SLC7A9: variants seen among roughly 807,000 people sequenced by gnomAD.
The protein encoded by SLC7A9 is B(0,+)-type amino acid transporter 1.
In SLC7A9, 38 loss-of-function variants were observed where a neutral mutation model predicts 54.1. That is an observed-to-expected ratio of 0.70 (90% CI 0.54 to 0.92). The LOEUF is 0.92. Among genes scored for constraint, SLC7A9 ranks in the 40% least tolerant of loss-of-function variants. The pLI is 0.00. For missense variants in SLC7A9, 537 were observed against 636.1 expected, an observed-to-expected ratio of 0.84 and a Z score of 1.68; for synonymous variants, 264 against 258.9, an observed-to-expected ratio of 1.02 and a Z score of -0.19.
rs1967865764 is a variant in SLC7A9, at chr19:32,833,416, T to C, written c.1225-93A>G. On this transcript the variant is annotated intron_variant, in intron 11 of 12. Coordinates refer to ENST00000023064, the MANE Select transcript of SLC7A9 (RefSeq NM_014270.5). Reference sequence around the variant, plus strand: ...TTTTATAAAAAGAGTATGAACTCCATGTACCCCCTCCTCCAATTTCAATCA... The same window carrying C: ...TTTTATAAAAAGAGTATGAACTCCACGTACCCCCTCCTCCAATTTCAATCA... The C allele has an allele frequency of 1.3e-5, 13 of 1,032,924 alleles. No individual in the cohort carries two copies. In the South Asian group the frequency reaches 1.6e-4, roughly 13 times the overall value. The allele number at this position is 1,032,924 out of a possible 1,614,324, so 64.0% of individuals were successfully genotyped here.
intron 9 of SLC7A9, among the ~76,000 whole-genome samples, chr19:32,847,484 G>GA (rs1175095675): frequency 6.6e-6 from 1 of 152,040 alleles, no homozygotes; most frequent in Non-Finnish European, 1.5e-5. Context: ...GAAGTTTAGA[G>GA]AAAAAAGAAT....
At chr19:32,859,107 G>GA (rs1968717017) in intron 8 of SLC7A9, among the ~76,000 whole-genome samples, 1 of 149,864 alleles carries the variant, frequency 6.7e-6, no homozygotes, top group Non-Finnish European at 1.5e-5. Context: ...TTTTTAATTT[G>GA]ATTTTTTTTG....
intron 9 of SLC7A9, among the ~76,000 whole-genome samples, chr19:32,851,570 G>T (rs1015397615): frequency 1.3e-4 from 20 of 151,692 alleles, no homozygotes; most frequent in African/African-American, 4.8e-4. Flanking sequence ...TACACTGTTG[G>T]TGGGACTGTA....
chr19:32,841,011 A>T (rs998875886), intron 11 of SLC7A9, among the ~76,000 whole-genome samples: 3 of 152,122 alleles, frequency 2.0e-5, no homozygotes, highest in Non-Finnish European at 2.9e-5. Flanking sequence ...TGCTACCGTC[A>T]TAATTTTGCC....
Position 32,864,240 on chromosome 19 carries a change from A to G in SLC7A9, c.334T>C (p.Phe112Leu). ...EAYGPIPAYL[F>L]SWASLIVIKP... is the part of the protein sequence containing the mutation. ...ATGACGATCAGGCTGGCCCAGGAGA[A>G]GAGGTAGGCGGGGATGGGCCCGTAG... The change falls in exon 4 of 13, where the codon TTC (phenylalanine) becomes CTC (leucine). Residue 112 changes from phenylalanine to leucine, a missense_variant. By Grantham distance (22) the Phe-to-Leu change is conservative (BLOSUM62 0). Transcript: ENST00000023064. The G allele has an allele frequency of 1.2e-6, 2 of 1,614,204 alleles. No homozygotes were observed. The highest frequency in any genetic ancestry group is 1.7e-6 in the Non-Finnish European group (2 of 1,180,028).
intron 3 of SLC7A9, 120 bp downstream of exon 3, chr19:32,864,509 C>G: frequency 6.5e-7 from 1 of 1,528,214 alleles, no homozygotes; most frequent in Non-Finnish European, 9.0e-7. Context: ...CTGATTTACA[C>G]CTGTTTGCCA....
intron 11 of SLC7A9, among the ~76,000 whole-genome samples, chr19:32,833,997 T>C (rs1285692453): frequency 1.3e-5 from 2 of 152,130 alleles, no homozygotes; most frequent in Non-Finnish European, 2.9e-5. Flanking sequence ...AAGGCAGGAT[T>C]AGTGCTGTAT....
At position 32,862,233 on chromosome 19, in the gene SLC7A9, A is replaced by AC. The variant is rs747219370; in HGVS notation, c.605-17dup. On this transcript the variant is annotated splice_polypyrimidine_tract_variant and intron_variant, in intron 5 of 12. Transcript: ENST00000023064. ...TTTGTGTTTCCTGTAATGAAGCCAG[A>AC]CAGTGAACGGCGGGTGTCAACCGGG... 1.3e-5 allele frequency: 21 copies of AC among 1,599,010 alleles called. No homozygotes were observed. The highest frequency in any genetic ancestry group is 1.5e-5 in the Non-Finnish European group (18 of 1,166,182).
intron 9 of SLC7A9, among the ~76,000 whole-genome samples, chr19:32,851,932 A>G (rs1968479745): frequency 6.6e-6 from 1 of 152,050 alleles, no homozygotes. Flanking sequence ...CAAAAAACCA[A>G]ACACCGCATG....
At chr19:32,861,342 GA>G (rs928272339) in intron 6 of SLC7A9, among the ~76,000 whole-genome samples, 25 of 150,046 alleles carry the variant, frequency 1.7e-4, no homozygotes, top group Middle Eastern at 3.5e-3. Context: ...AAAAAAAAAA[GA>G]AAAAAAAGGA....
At chr19:32,837,513 AAAAAAGAAAC>A (rs1568512670) in intron 11 of SLC7A9, among the ~76,000 whole-genome samples, 2 of 91,564 alleles carry the variant, frequency 2.2e-5, no homozygotes, top group Non-Finnish European at 4.5e-5. Context: ...AAAAAAAAAA[AAAAAAGAAAC>A]CTCAAATTCC....
At chr19:32,839,760 C>G (rs2032869) in intron 11 of SLC7A9, among the ~76,000 whole-genome samples, 89,639 of 151,952 alleles carry the variant, frequency 0.59, 27,352 homozygotes, top group East Asian at 0.83. Context: ...AGAATTATTT[C>G]CTTTCCTTTA....
At position 32,868,634 on chromosome 19, in the gene SLC7A9, T is replaced by C; in HGVS notation, c.-100A>G. 2 of 981,072 alleles carry C rather than the reference T, an allele frequency of 2.0e-6. No individual in the cohort carries two copies. The highest frequency in any genetic ancestry group is 3.3e-6 in the Non-Finnish European group (2 of 609,546). 60.8% of individuals were successfully genotyped at this position (981,072 alleles called of 1,614,324 possible). A position where few individuals can be genotyped will look rare whatever the true frequency, so the allele number is the denominator to read the frequency against. The stretch of plus-strand genomic sequence containing the variant: ...ACGCAAGTGCAAGCTCGGCCTGGAC[T>C]AGGGGAGCTGGCTGCAAAAGCACAG... On this transcript the variant is annotated 5_prime_UTR_variant, in exon 2 of 13. Transcript: ENST00000023064.
Position 32,858,426 on chromosome 19 carries a change from T to TG in SLC7A9, c.977+13dup. On this transcript the variant is annotated intron_variant, in intron 9 of 12. Transcript: ENST00000023064. ...CCCCTGTCCACCCTGGGAGTGACGG[T>TG]GGGGGTCCCCTACCTGCCCGCTGTG... 6.3e-7 allele frequency: 1 copy of TG among 1,590,290 alleles called. No individual in the cohort carries two copies. The highest frequency in any genetic ancestry group is 8.6e-7 in the Non-Finnish European group (1 of 1,160,172).
intron 12 of SLC7A9, among the ~76,000 whole-genome samples, chr19:32,832,587 CAA>C (rs746136682): frequency 4.2e-4 from 38 of 91,426 alleles, no homozygotes; most frequent in Non-Finnish European, 5.5e-4. Flanking sequence ...GACTGTGTCT[CAA>C]AAAAAAAAAA....
intron 12 of SLC7A9, among the ~76,000 whole-genome samples, chr19:32,832,145 C>T (rs1461362358): frequency 2.0e-5 from 3 of 151,552 alleles, no homozygotes; most frequent in Admixed American, 1.3e-4. Context: ...GGAAATTAGC[C>T]GGGTGTGGTG....
intron 11 of SLC7A9, among the ~76,000 whole-genome samples, chr19:32,841,446 G>T (rs1212925276): frequency 6.6e-6 from 1 of 152,022 alleles, no homozygotes; most frequent in East Asian, 1.9e-4. Flanking sequence ...ATGAAAGGAG[G>T]CCGGCATAGT....
At chr19:32,835,911 A>ATGTGTGTG (rs60204379) in intron 11 of SLC7A9, among the ~76,000 whole-genome samples, 3 of 142,838 alleles carry the variant, frequency 2.1e-5, no homozygotes, top group South Asian at 2.2e-4. Context: ...GTGTGTGTGT[A>ATGTGTGTG]TGTGTGTGTG....
chr19:32,843,914 T>G lies in SLC7A9; in HGVS notation c.1015A>C (p.Lys339Gln). 1 of 1,613,896 alleles carries G rather than the reference T, an allele frequency of 6.2e-7. No homozygotes were observed. The highest frequency in any genetic ancestry group is 8.5e-7 in the Non-Finnish European group (1 of 1,179,978). ...YVAGREGHML[K>Q]VLSYISVRRL... is the part of the protein sequence containing the mutation. ...CTGACGCTGATGTAAGAAAGCACTT[T>G]GAGCATGTGACCCTCCCGGCCCGCC... The change falls in exon 10 of 13, where the codon AAA becomes CAA. Residue 339 changes from lysine (K) to glutamine (Q), a missense_variant. Lys to Gln is a moderately conservative substitution (Grantham distance 53). Transcript: ENST00000023064.
Sources: gnomAD v4.1 joint callset for allele counts (sites outside exome capture counted in the v4.1 genomes callset) on GRCh38, gnomAD v4.1.1 for gene constraint, MANE v1.5 for transcripts, NCBI Gene and HGNC (gene_info 2026-07-23, HGNC 2026-07-21) for gene names.